Variants in TMEM132C observed in about 807,000 individuals in gnomAD.
TMEM132C encodes the protein transmembrane protein 132C.
In TMEM132C, 29 loss-of-function variants were observed where a neutral mutation model predicts 61.4. That is an observed-to-expected ratio of 0.47 (90% CI 0.35 to 0.64). The LOEUF (loss-of-function observed/expected upper bound fraction) is 0.64, where lower values mean the gene tolerates loss of function less well. Ranked by LOEUF, TMEM132C falls within the 30% of genes least tolerant of loss-of-function variation. TMEM132C has a pLI of 0.00. For synonymous variants in TMEM132C, 656 were observed against 633.1 expected, an observed-to-expected ratio of 1.04 and a Z score of -0.54; for missense variants, 1,408 against 1,476.9, an observed-to-expected ratio of 0.95 and a Z score of 0.76.
Position 128,618,259 on chromosome 12 carries a change from G to A in TMEM132C, c.1305+1924G>A, listed in dbSNP as rs373037325. On this transcript the variant is annotated intron_variant, in intron 4 of 8. Coordinates refer to ENST00000435159, the MANE Select transcript of TMEM132C (RefSeq NM_001136103.3). ...GATATTATAATGGTCCTTTTCAAGG[G>A]AGCACAGGTCTTCCTTGGATGGATG... 2.2e-4 allele frequency among the ~76,000 whole-genome samples: 34 copies of A among 152,322 alleles called. 2 individuals carry two copies. Among genetic ancestry groups the A allele is most frequent in the African/African-American group, 7.9e-4 (33 of 41,572 alleles).
chr12:128,433,205 T>C (rs938346748), intron 2 of TMEM132C, among the ~76,000 whole-genome samples: 1 of 151,738 alleles, frequency 6.6e-6, no homozygotes, highest in Non-Finnish European at 1.5e-5. Context: ...AAAAAAAAAA[T>C]GTTTGACTCA....
chr12:128,316,312 G>A (rs1872151722), intron 1 of TMEM132C, among the ~76,000 whole-genome samples: 1 of 152,112 alleles, frequency 6.6e-6, no homozygotes, highest in African/African-American at 2.4e-5. Context: ...TAGCATTGCT[G>A]GCAAAACCAC....
chr12:128,438,419 G>A (rs557138848), intron 2 of TMEM132C, among the ~76,000 whole-genome samples: 4 of 152,076 alleles, frequency 2.6e-5, no homozygotes, highest in East Asian at 3.9e-4. Flanking sequence ...TGCACACACC[G>A]GCTCCTCTTC....
intron 1 of TMEM132C, among the ~76,000 whole-genome samples, chr12:128,332,059 T>G (rs1872678069): frequency 6.6e-6 from 1 of 152,224 alleles, no homozygotes; most frequent in African/African-American, 2.4e-5. Context: ...AACTCCTACA[T>G]TTTATGGGAC....
chr12:128,405,794 A>G (rs145842410), intron 1 of TMEM132C, among the ~76,000 whole-genome samples: 10 of 152,308 alleles, frequency 6.6e-5, no homozygotes, highest in African/African-American at 2.2e-4. Context: ...ATGTCATGAG[A>G]TTGAGGGAGG....
intron 5 of TMEM132C, among the ~76,000 whole-genome samples, chr12:128,689,494 G>C (rs1038131351): frequency 6.6e-6 from 1 of 152,136 alleles, no homozygotes; most frequent in African/African-American, 2.4e-5. Context: ...CCACAAACTT[G>C]GGTGTACAAG....
intron 5 of TMEM132C, among the ~76,000 whole-genome samples, chr12:128,685,597 C>A (rs1369752900): frequency 7.3e-6 from 1 of 137,330 alleles, no homozygotes; most frequent in South Asian, 2.4e-4. Context: ...CTGGTCCAAG[C>A]ATGGCTGTCA....
At position 128,515,571 on chromosome 12, in the gene TMEM132C, C is replaced by T. The variant is rs182822607; in HGVS notation, c.975-28386C>T. On this transcript the variant is annotated intron_variant, in intron 2 of 8. Transcript: ENST00000435159. ...ATCTTTGGCTCGGCACAGTGGCTCA[C>T]GCCTGTAATCCCAGCACTTTGGGAG... 7.2e-5 allele frequency among the ~76,000 whole-genome samples: 11 copies of T among 152,328 alleles called. No individual in the cohort carries two copies. The East Asian group carries it at 2.1e-3, about 29-fold the overall frequency.
At chr12:128,566,375 G>T (rs1020837077) in intron 3 of TMEM132C, among the ~76,000 whole-genome samples, 2 of 152,118 alleles carry the variant, frequency 1.3e-5, no homozygotes, top group African/African-American at 4.8e-5. Flanking sequence ...TTGTTTGGGG[G>T]AGGTTTTCCT....
intron 1 of TMEM132C, among the ~76,000 whole-genome samples, chr12:128,287,812 A>G (rs1008335593): frequency 2.0e-5 from 3 of 151,956 alleles, no homozygotes; most frequent in African/African-American, 4.8e-5. Flanking sequence ...GTGTTTTTTT[A>G]TCAGAAACAA....
chr12:128,629,926 A>G (rs12307105), intron 4 of TMEM132C, among the ~76,000 whole-genome samples: 41,064 of 150,022 alleles, frequency 0.27, 6,486 homozygotes, highest in African/African-American at 0.45. Flanking sequence ...AGATCACTTC[A>G]TTGCACTCTA....
chr12:128,530,570 A>G (rs994734359), intron 2 of TMEM132C, among the ~76,000 whole-genome samples: 1 of 151,828 alleles, frequency 6.6e-6, no homozygotes, highest in Non-Finnish European at 1.5e-5. Flanking sequence ...CAGCCTCCCG[A>G]GTAGCTGGGA....
rs559635155 is a variant in TMEM132C at position 128,275,842 on chromosome 12, G to A, written c.85+8355G>A. 1.2e-3 allele frequency among the ~76,000 whole-genome samples: 179 copies of A among 152,264 alleles called. 1 individual carries two copies. Among genetic ancestry groups the A allele is most frequent in the African/African-American group, 4.0e-3 (165 of 41,556 alleles). On this transcript the variant is annotated intron_variant, in intron 1 of 8. Coordinates refer to ENST00000435159, the MANE Select transcript of TMEM132C (RefSeq NM_001136103.3). ...AAATTGGTCCTCTCACAATTCTGGG[G>A]CCAAAAGTCCAAAATCATATGTTGT...
intron 3 of TMEM132C, among the ~76,000 whole-genome samples, chr12:128,594,828 T>A (rs1289119351): frequency 6.6e-6 from 1 of 152,236 alleles, no homozygotes; most frequent in Admixed American, 6.5e-5. Context: ...TTCAGCATCT[T>A]CACTCTCCAT....
chr12:128,456,798 T>C (rs1005099995), intron 2 of TMEM132C, among the ~76,000 whole-genome samples: 5 of 152,194 alleles, frequency 3.3e-5, no homozygotes, highest in Non-Finnish European at 5.9e-5. Flanking sequence ...AATCCCTCCA[T>C]GTTCCCTGCC....
chr12:128,475,503 G>A (rs1871127962), intron 2 of TMEM132C, among the ~76,000 whole-genome samples: 1 of 152,006 alleles, frequency 6.6e-6, no homozygotes, highest in South Asian at 2.1e-4. Context: ...ACAAATTTGT[G>A]AATATATGAA....
intron 3 of TMEM132C, among the ~76,000 whole-genome samples, chr12:128,597,496 AGAAGGAAG>A (rs35995948): frequency 0.73 from 108,463 of 149,414 alleles, 40,927 homozygotes; most frequent in Non-Finnish European, 0.85. Flanking sequence ...AAGGAAGGAA[AGAAGGAAG>A]GAAGGAAGGA....
chr12:128,559,496 G>A (rs1593100024), intron 3 of TMEM132C, among the ~76,000 whole-genome samples: 1 of 152,100 alleles, frequency 6.6e-6, no homozygotes, highest in African/African-American at 2.4e-5. Context: ...GAGTAAAATG[G>A]TGTGGGCATT....
At chr12:128,356,144 C>A (rs976701107) in intron 1 of TMEM132C, among the ~76,000 whole-genome samples, 1 of 152,194 alleles carries the variant, frequency 6.6e-6, no homozygotes. Context: ...TGGTCGGATT[C>A]TTTCTCAACT....
Sources: allele counts gnomAD v4.1 joint callset (sites outside exome capture counted in the v4.1 genomes callset), GRCh38; gene constraint gnomAD v4.1.1; transcripts MANE v1.5; gene names NCBI Gene and HGNC (gene_info 2026-07-23, HGNC 2026-07-21).